Variants in CIBAR1 observed in about 807,000 individuals in gnomAD.
CIBAR1 encodes CBY1-interacting BAR domain-containing protein 1.
CIBAR1 carries 25 observed loss-of-function variants against 44.0 expected under a neutral mutation model. That is an observed-to-expected ratio of 0.57 (90% confidence interval 0.41 to 0.79). The LOEUF is 0.79. CIBAR1 is among the 30% of genes least tolerant of loss of function. The probability of loss-of-function intolerance (pLI) is 0.00; values close to 1 mark genes in which losing one functional copy is unlikely to be tolerated. For synonymous variants in CIBAR1, 115 were observed against 119.0 expected (o/e 0.97, Z 0.22); for missense variants, 278 against 344.8 (o/e 0.81, Z 1.53).
chr8:93,708,789 A>T (rs1222280469), intron 5 of CIBAR1, among the ~76,000 whole-genome samples: 6 of 152,212 alleles, frequency 3.9e-5, no homozygotes. Flanking sequence ...AGAAGTAAGC[A>T]AGGTAGAAAG....
At chr8:93,716,439 T>C (rs1563646324) in intron 6 of CIBAR1, among the ~76,000 whole-genome samples, 2 of 152,078 alleles carry the variant, frequency 1.3e-5, no homozygotes, top group East Asian at 1.9e-4. Flanking sequence ...ATTTGTGTTA[T>C]TACTGCTGAG....
chr8:93,709,407 G>T (rs1810731886), intron 5 of CIBAR1, among the ~76,000 whole-genome samples: 1 of 152,146 alleles, frequency 6.6e-6, no homozygotes, highest in African/African-American at 2.4e-5. Flanking sequence ...AATAATTTTT[G>T]ATAAATGGCA....
chr8:93,703,965 G>C (rs567390540), intron 3 of CIBAR1, among the ~76,000 whole-genome samples: 1 of 151,780 alleles, frequency 6.6e-6, no homozygotes, highest in South Asian at 2.1e-4. Flanking sequence ...TCAGGAGGCC[G>C]AGGCAAGAAA....
chr8:93,700,893 C>A, intron 1 of CIBAR1: 1 of 1,312,352 alleles, frequency 7.6e-7, no homozygotes, highest in Non-Finnish European at 9.6e-7. Flanking sequence ...ACCCACGCCA[C>A]CGGGTCTCGG....
intron 4 of CIBAR1, chr8:93,705,244 A>C: frequency 2.3e-6 from 1 of 429,640 alleles, no homozygotes; most frequent in Non-Finnish European, 4.1e-6. Flanking sequence ...ACAAACAAAA[A>C]ATTCAGATGT....
chr8:93,706,875 T>C (rs116704357), intron 4 of CIBAR1, among the ~76,000 whole-genome samples: 234 of 152,336 alleles, frequency 1.5e-3, no homozygotes, highest in African/African-American at 5.3e-3. Flanking sequence ...TATTATGGCA[T>C]ATTTCCCAGG....
intron 8 of CIBAR1, among the ~76,000 whole-genome samples, chr8:93,727,988 G>A (rs1294775699): frequency 6.6e-6 from 1 of 151,752 alleles, no homozygotes; most frequent in African/African-American, 2.4e-5. Context: ...AAAATCAAAT[G>A]GCTAATTACA....
In CIBAR1 at chr8:93,708,020, G is replaced by T; in HGVS notation, c.438+4G>T. The T allele has an allele frequency of 6.4e-7, 1 of 1,564,602 alleles. No homozygotes were observed. On this transcript the variant is annotated splice_donor_region_variant and intron_variant, in intron 5 of 8. Transcript: ENST00000518322. Reference sequence around the variant, plus strand: ...TTATGAAAAATTTCAGTCACAGGTGGGTAATAAAGTGGTGTGTCAAGAAAT... The same window carrying T: ...TTATGAAAAATTTCAGTCACAGGTGTGTAATAAAGTGGTGTGTCAAGAAAT...
rs1563653905 is a variant in CIBAR1, at chr8:93,728,220, C to T, written c.793C>T (p.Leu265=). The stretch of plus-strand genomic sequence containing the variant: ...CTTTTAACAGGTATCCACTTGTCGA[C>T]TAAGAAAGGATCAACAAGCAGAAGA... ...SGTGQVSTCR[L]RKDQQAEDDE... is the part of the protein sequence containing the mutation. Residue 265 remains leucine (L), a synonymous_variant, in exon 9 of 9, where the codon CTA becomes TTA. Coordinates refer to ENST00000518322, the MANE Select transcript of CIBAR1 (RefSeq NM_145269.5). 2 of 1,587,902 alleles carry T rather than the reference C, an allele frequency of 1.3e-6. No homozygotes were observed. Among genetic ancestry groups the T allele is most frequent in the Admixed American group, 3.6e-5 (2 of 55,028 alleles).
chr8:93,718,945 CTTCCGTCTCGTGGG>C (rs1406098995), intron 7 of CIBAR1, among the ~76,000 whole-genome samples, 157 bp downstream of exon 7: 2 of 151,920 alleles, frequency 1.3e-5, no homozygotes, highest in African/African-American at 4.8e-5. Context: ...CTCACTGCAA[CTTCCGTCTCGTGGG>C]TTTAAGCAAT....
intron 8 of CIBAR1, among the ~76,000 whole-genome samples, chr8:93,727,551 T>C (rs1191353284): frequency 6.6e-6 from 1 of 152,204 alleles, no homozygotes; most frequent in Non-Finnish European, 1.5e-5. Flanking sequence ...GGGGACGGAA[T>C]ACTGTCCTGT....
chr8:93,721,030 C>A (rs1406010627), intron 7 of CIBAR1: 1 of 152,138 alleles, frequency 6.6e-6, no homozygotes, highest in Non-Finnish European at 1.5e-5. Flanking sequence ...TTTCTGATTT[C>A]TGTGGATGAG....
chr8:93,711,078 C>G (rs1027232212), intron 6 of CIBAR1, among the ~76,000 whole-genome samples: 2 of 152,110 alleles, frequency 1.3e-5, no homozygotes, highest in Non-Finnish European at 2.9e-5. Context: ...AACAAAATCA[C>G]AAGAATTGCC....
Position 93,728,240 on chromosome 8 carries a change from A to G in CIBAR1, c.813A>G (p.Ala271=), listed in dbSNP as rs764301396. Residue 271 remains alanine (A), a synonymous_variant, in exon 9 of 9, where the codon GCA becomes GCG. Coordinates refer to ENST00000518322, the MANE Select transcript of CIBAR1 (RefSeq NM_145269.5). ...GTCGACTAAGAAAGGATCAACAAGC[A>G]GAAGATGATGAGGATGACGAGTTAG... ...STCRLRKDQQ[A]EDDEDDELDV... 3 of 1,599,498 alleles carry G rather than the reference A, an allele frequency of 1.9e-6. No homozygotes were observed. In the African/African-American group the frequency reaches 4.1e-5, roughly 22 times the overall value.
intron 6 of CIBAR1, among the ~76,000 whole-genome samples, chr8:93,715,106 C>T (rs1453929167): frequency 3.3e-5 from 5 of 152,180 alleles, no homozygotes; most frequent in Admixed American, 6.5e-5. Context: ...TGGTATTAAA[C>T]AGCAAGGTAA....
intron 7 of CIBAR1, chr8:93,719,966 T>A (rs1811189015): frequency 2.1e-5 from 3 of 144,950 alleles, no homozygotes; most frequent in Non-Finnish European, 4.6e-5. Flanking sequence ...TTCCCCCGAT[T>A]TTTTTTTTTT....
rs763676942 is a variant in CIBAR1 at position 93,726,514 on chromosome 8, G to A, written c.777+1G>A. ...TAAGTGTGTATCTGGAACAGGACAG[G>A]TGAGCAAGAAACCGTACTCTAAAGG... is the stretch of plus-strand genomic sequence containing the variant. On this transcript the variant is annotated splice_donor_variant, in intron 8 of 8. Coordinates refer to ENST00000518322, the MANE Select transcript of CIBAR1 (RefSeq NM_145269.5). LOFTEE classifies it high-confidence loss of function. 4.3e-6 allele frequency: 7 copies of A among 1,613,438 alleles called. No individual in the cohort carries two copies. The highest frequency in any genetic ancestry group is 5.9e-6 in the Non-Finnish European group (7 of 1,179,574).
At chr8:93,726,683 T>G (rs1293576168) in intron 8 of CIBAR1, 170 bp downstream of exon 8, 2 of 707,974 alleles carry the variant, frequency 2.8e-6, no homozygotes, top group African/African-American at 1.8e-5. Context: ...GCTCTATTAT[T>G]TCTTAATTAT....
intron 2 of CIBAR1, 26 bp downstream of exon 2, chr8:93,701,484 T>C: frequency 6.3e-7 from 1 of 1,587,254 alleles, no homozygotes; most frequent in South Asian, 1.1e-5. Context: ...ACAGTGTCAT[T>C]GTTATGAATG....
Sources: allele counts gnomAD v4.1 joint callset (sites outside exome capture counted in the v4.1 genomes callset), GRCh38; gene constraint gnomAD v4.1.1; transcripts MANE v1.5; gene names NCBI Gene and HGNC (gene_info 2026-07-23, HGNC 2026-07-21).